The following UBE4B variants were observed in gnomAD, a reference collection of about 807,000 sequenced individuals.
UBE4B encodes the protein ubiquitin conjugation factor E4 B.
In UBE4B, 27 loss-of-function variants were observed where a neutral mutation model predicts 148.1. The ratio of observed to expected loss-of-function variants is 0.18; its 90% CI spans 0.13 to 0.25. The LOEUF is 0.25. Ranked by LOEUF, UBE4B falls within the 10% of genes least tolerant of loss-of-function variation. The probability of loss-of-function intolerance (pLI) is 1.00; values close to 1 mark genes in which losing one functional copy is unlikely to be tolerated. For missense variants in UBE4B, 1,170 were observed against 1,662.4 expected, an observed-to-expected ratio of 0.70 and a Z score of 5.15; for synonymous variants, 596 against 619.3, an observed-to-expected ratio of 0.96 and a Z score of 0.56.
At chr1:10,133,107 A>G (rs1219414664) in intron 15 of UBE4B, among the ~76,000 whole-genome samples, 1 of 152,146 alleles carries the variant, frequency 6.6e-6, no homozygotes, top group Non-Finnish European at 1.5e-5. Context: ...AGACCCAAGA[A>G]GGCAGCTGCA....
At chr1:10,088,740 C>T (rs113586345) in intron 2 of UBE4B, among the ~76,000 whole-genome samples, 7,533 of 151,446 alleles carry the variant, frequency 0.05, 236 homozygotes, top group South Asian at 0.11. Flanking sequence ...GGGACAGTGA[C>T]GCAATCATGG....
chr1:10,039,659 C>G (rs1216683380), intron 1 of UBE4B, among the ~76,000 whole-genome samples: 1 of 149,856 alleles, frequency 6.7e-6, no homozygotes, highest in African/African-American at 2.5e-5. Flanking sequence ...AGGCTGGTTT[C>G]AAACTCCTGA....
At chr1:10,147,916 G>A (rs1040295142) in intron 19 of UBE4B, among the ~76,000 whole-genome samples, 22 of 152,274 alleles carry the variant, frequency 1.4e-4, no homozygotes, top group Admixed American at 3.9e-4. Context: ...CCGTGAAGGC[G>A]TGGAAAATAT....
intron 10 of UBE4B, among the ~76,000 whole-genome samples, chr1:10,126,340 T>C (rs1422864589): frequency 1.3e-5 from 2 of 151,936 alleles, no homozygotes; most frequent in African/African-American, 2.4e-5. Context: ...GATAGATAGA[T>C]AGATAGATAG....
chr1:10,146,180 G>C (rs1054286112), intron 18 of UBE4B, among the ~76,000 whole-genome samples: 2 of 152,158 alleles, frequency 1.3e-5, no homozygotes, highest in Non-Finnish European at 2.9e-5. Context: ...TGCCAGGCAT[G>C]GTGGCTCACA....
At chr1:10,098,072 T>A (rs1372902000) in intron 3 of UBE4B, among the ~76,000 whole-genome samples, 1 of 152,040 alleles carries the variant, frequency 6.6e-6, no homozygotes, top group East Asian at 1.9e-4. Flanking sequence ...GGTTTCACCA[T>A]ATTGGCCAGG....
chr1:10,064,741 T>C (rs1010605801), intron 1 of UBE4B, among the ~76,000 whole-genome samples: 1 of 151,938 alleles, frequency 6.6e-6, no homozygotes, highest in Non-Finnish European at 1.5e-5. Context: ...TGGGTCTAAC[T>C]TTTCCCTCAA....
At position 10,151,306 on chromosome 1, in the gene UBE4B, C is replaced by T. The variant is rs1360751251; in HGVS notation, c.2691-20C>T. 2 of 1,608,244 alleles carry T rather than the reference C, an allele frequency of 1.2e-6. No homozygotes were observed. The highest frequency in any genetic ancestry group is 1.7e-6 in the Non-Finnish European group (2 of 1,176,492). ...CAGTTTCTCAGCGGTCTCTTTCTTG[C>T]TCTTCTTGCCTCTGTTCAGATACTC... On this transcript the variant is annotated intron_variant, in intron 20 of 27. Coordinates refer to ENST00000343090, the MANE Select transcript of UBE4B (RefSeq NM_001105562.3).
At chr1:10,038,070 C>T (rs978671901) in intron 1 of UBE4B, among the ~76,000 whole-genome samples, 2 of 151,948 alleles carry the variant, frequency 1.3e-5, no homozygotes, top group Admixed American at 6.6e-5. Flanking sequence ...CACCTGAGTT[C>T]GGGAGTTCAA....
intron 1 of UBE4B, among the ~76,000 whole-genome samples, chr1:10,070,455 A>G (rs1053564542): frequency 6.6e-6 from 1 of 151,760 alleles, no homozygotes; most frequent in South Asian, 2.1e-4. Flanking sequence ...AAAAAAAAAA[A>G]AAAAACCATT....
chr1:10,105,884 C>A, intron 6 of UBE4B, 140 bp downstream of exon 6: 1 of 973,554 alleles, frequency 1.0e-6, no homozygotes, highest in Non-Finnish European at 1.5e-6. Flanking sequence ...TGGATTTAGT[C>A]ATTGGAAGTG....
intron 3 of UBE4B, among the ~76,000 whole-genome samples, chr1:10,097,052 A>AAAAAATAATAAT (rs554089049): frequency 7.2e-6 from 1 of 138,516 alleles, no homozygotes; most frequent in Non-Finnish European, 1.6e-5. Context: ...AAAAAAAAAA[A>AAAAAATAATAAT]AATAATAATA....
chr1:10,083,961 A>G (rs1644724373), intron 2 of UBE4B, among the ~76,000 whole-genome samples: 1 of 152,124 alleles, frequency 6.6e-6, no homozygotes, highest in African/African-American at 2.4e-5. Context: ...AGTGCTGGGA[A>G]TCAATACACT....
At chr1:10,179,840 C>T in intron 27 of UBE4B, 55 bp from the exon 28 acceptor site, 1 of 1,600,228 alleles carries the variant, frequency 6.2e-7, no homozygotes. Flanking sequence ...AGCATCCTCT[C>T]TCAGGAAGAG....
At chr1:10,177,613 A>G (rs1646446949) in intron 25 of UBE4B, among the ~76,000 whole-genome samples, 1 of 152,026 alleles carries the variant, frequency 6.6e-6, no homozygotes, top group Non-Finnish European at 1.5e-5. Flanking sequence ...CCATGATTGC[A>G]CCACTGCACT....
At chr1:10,175,371 G>A (rs930979767) in intron 25 of UBE4B, among the ~76,000 whole-genome samples, 5 of 152,110 alleles carry the variant, frequency 3.3e-5, no homozygotes, top group African/African-American at 1.2e-4. Flanking sequence ...AAAAAAAATA[G>A]CCGGGTGCAG....
intron 16 of UBE4B, 127 bp from the exon 17 acceptor site, chr1:10,136,940 T>TAAAC: frequency 9.5e-7 from 1 of 1,057,216 alleles, no homozygotes. Flanking sequence ...AATAAATAAA[T>TAAAC]AAACAAATAA....
At chr1:10,089,503 G>GAAAAAAAAAA (rs113766750) in intron 2 of UBE4B, among the ~76,000 whole-genome samples, 1 of 134,532 alleles carries the variant, frequency 7.4e-6, no homozygotes, top group African/African-American at 2.7e-5. Context: ...ACATGTCTCT[G>GAAAAAAAAAA]AAAAAAAAAA....
intron 3 of UBE4B, among the ~76,000 whole-genome samples, chr1:10,095,854 T>A (rs1353634748): frequency 6.6e-6 from 1 of 152,154 alleles, no homozygotes; most frequent in Non-Finnish European, 1.5e-5. Context: ...TCACTGCAAT[T>A]TCCGCCTCCC....
Sources: gnomAD v4.1 joint callset for allele counts (sites outside exome capture counted in the v4.1 genomes callset) on GRCh38, gnomAD v4.1.1 for gene constraint, MANE v1.5 for transcripts, NCBI Gene and HGNC (gene_info 2026-07-23, HGNC 2026-07-21) for gene names.